Variants in RLN2 observed in about 807,000 individuals in gnomAD.
The protein encoded by RLN2 is relaxin 2, also known as prorelaxin H2.
In RLN2, 10 loss-of-function variants were observed where a neutral mutation model predicts 7.3. The observed-to-expected ratio is 1.36, with a 90% confidence interval of 0.84 to 2.31. RLN2 has a LOEUF of 2.31. Ranked by LOEUF, RLN2 falls within the 30% of genes most tolerant of loss-of-function variation. RLN2 has a pLI of 0.00. For missense variants in RLN2, 298 were observed against 217.6 expected, an observed-to-expected ratio of 1.37 and a Z score of -2.32; for synonymous variants, 103 against 82.3, an observed-to-expected ratio of 1.25 and a Z score of -1.36.
At chr9:5,321,651 G>C in the RLN2 span, among the ~76,000 whole-genome samples, 4 of 151,916 alleles carry the variant, frequency 2.6e-5, no homozygotes, top group Middle Eastern at 3.4e-3. Context: ...TGGAGAAAAA[G>C]AGGAAGAAAA....
At position 5,304,587 on chromosome 9, in the gene RLN2, C is replaced by T. The variant is rs1292381202; in HGVS notation, c.-7G>A. The T allele has an allele frequency of 6.2e-7, 1 of 1,613,150 alleles. No individual in the cohort carries two copies. Among genetic ancestry groups the T allele is most frequent in the Admixed American group, 1.7e-5 (1 of 60,000 alleles). On this transcript the variant is annotated 5_prime_UTR_variant, in exon 1 of 2. Transcript: ENST00000381627. The stretch of plus-strand genomic sequence containing the variant: ...AAAAAAACAGGCGAGGCATCCTGGG[C>T]CTGGTCTCTCCTGGAGGTCGGGACG...
chr9:5,329,026 G>A, the RLN2 span, among the ~76,000 whole-genome samples: 66,018 of 151,462 alleles, frequency 0.44, 14,842 homozygotes, highest in African/African-American at 0.46. Flanking sequence ...TGCATCGGCC[G>A]GGTGCGGTGG....
upstream of RLN2, among the ~76,000 whole-genome samples, chr9:5,307,271 GGATAGATAGATAGATAGATAGATA>G (rs148888922): frequency 3.5e-5 from 5 of 143,488 alleles, no homozygotes; most frequent in South Asian, 2.3e-4. Context: ...GATAGATAGA[GGATAGATAGATAGATAGATAGATA>G]GATAGATAGA....
the RLN2 span, among the ~76,000 whole-genome samples, chr9:5,323,461 A>T: frequency 7.9e-5 from 12 of 151,924 alleles, no homozygotes; most frequent in Non-Finnish European, 1.5e-4. Context: ...CTGTTATATA[A>T]GGTTACTTGT....
At chr9:5,322,689 T>C in the RLN2 span, among the ~76,000 whole-genome samples, 2 of 151,898 alleles carry the variant, frequency 1.3e-5, 1 homozygote, top group East Asian at 3.9e-4. Context: ...CACAATAGAA[T>C]ATGGGGGTAT....
chr9:5,310,940 A>G, the RLN2 span, among the ~76,000 whole-genome samples: 1 of 152,238 alleles, frequency 6.6e-6, no homozygotes, highest in East Asian at 1.9e-4. Context: ...ACCTTCACTT[A>G]TTCCTTCTCT....
chr9:5,333,541 A>C, the RLN2 span, among the ~76,000 whole-genome samples: 1 of 151,992 alleles, frequency 6.6e-6, no homozygotes, highest in Non-Finnish European at 1.5e-5. Flanking sequence ...CCTACTAACC[A>C]AAAACAGCCC....
At chr9:5,313,787 A>T in the RLN2 span, among the ~76,000 whole-genome samples, 1 of 152,016 alleles carries the variant, frequency 6.6e-6, no homozygotes, top group Non-Finnish European at 1.5e-5. Flanking sequence ...AGCCAAAACA[A>T]TAAGTAAGCA....
upstream of RLN2, among the ~76,000 whole-genome samples, chr9:5,308,483 G>C (rs771485114): frequency 2.0e-5 from 3 of 151,964 alleles, no homozygotes; most frequent in Admixed American, 6.6e-5. Context: ...ATTGGGGTTT[G>C]TGGTTTTACT....
At chr9:5,315,273 C>T in the RLN2 span, among the ~76,000 whole-genome samples, 8 of 151,388 alleles carry the variant, frequency 5.3e-5, no homozygotes, top group East Asian at 1.4e-3. Context: ...AAGAAGAAAA[C>T]AGAAATCTTA....
chr9:5,322,392 G>A, the RLN2 span, among the ~76,000 whole-genome samples: 2 of 151,868 alleles, frequency 1.3e-5, no homozygotes, highest in Non-Finnish European at 1.5e-5. Context: ...CAGATGAAAA[G>A]TATTTAATAG....
chr9:5,332,284 T>C, the RLN2 span, among the ~76,000 whole-genome samples: 3 of 152,072 alleles, frequency 2.0e-5, no homozygotes, highest in Admixed American at 6.6e-5. Context: ...CTTTCATTTT[T>C]ATACGCTTTT....
At chr9:5,301,724 A>G (rs1020445581) in intron 1 of RLN2, among the ~76,000 whole-genome samples, 1 of 152,184 alleles carries the variant, frequency 6.6e-6, no homozygotes, top group African/African-American at 2.4e-5. Context: ...CCCTTCACCT[A>G]GACAGCGGTG....
At chr9:5,332,262 G>C in the RLN2 span, among the ~76,000 whole-genome samples, 38,622 of 151,860 alleles carry the variant, frequency 0.25, 5,439 homozygotes, top group East Asian at 0.4. Flanking sequence ...TGTATGTGCA[G>C]AAGTAGACTG....
the RLN2 span, among the ~76,000 whole-genome samples, chr9:5,316,731 GT>G: frequency 7.5e-3 from 1,143 of 151,912 alleles, 28 homozygotes; most frequent in African/African-American, 0.026. Flanking sequence ...CTTTACTATT[GT>G]GAATAGTGCT....
the RLN2 span, among the ~76,000 whole-genome samples, chr9:5,314,438 C>T: frequency 6.6e-6 from 1 of 151,950 alleles, no homozygotes; most frequent in Non-Finnish European, 1.5e-5. Context: ...CTTGGCTGCT[C>T]AGGGCAGTCA....
At chr9:5,308,695 C>A (rs748196967), upstream of RLN2, among the ~76,000 whole-genome samples, 1 of 151,996 alleles carries the variant, frequency 6.6e-6, no homozygotes, top group Non-Finnish European at 1.5e-5. Context: ...TATGTGCTGC[C>A]CTGACATCTG....
upstream of RLN2, among the ~76,000 whole-genome samples, chr9:5,306,280 G>C (rs1816251269): frequency 6.6e-6 from 1 of 151,562 alleles, no homozygotes; most frequent in Admixed American, 6.6e-5. Context: ...GCTAATTTTT[G>C]TATTTTTATT....
the RLN2 span, among the ~76,000 whole-genome samples, chr9:5,320,158 G>C: frequency 7.9e-5 from 12 of 151,424 alleles, no homozygotes; most frequent in African/African-American, 2.9e-4. Flanking sequence ...GCTAATTTTT[G>C]TAGTTTTAGT....
Sources: allele counts gnomAD v4.1 joint callset (sites outside exome capture counted in the v4.1 genomes callset), GRCh38; gene constraint gnomAD v4.1.1; transcripts MANE v1.5; gene names NCBI Gene and HGNC (gene_info 2026-07-23, HGNC 2026-07-21).